DTNB: variants seen among roughly 807,000 people sequenced by gnomAD.
DTNB encodes dystrobrevin beta.
A neutral mutation model predicts 90.7 loss-of-function variants in DTNB; 63 were observed. The ratio of observed to expected loss-of-function variants is 0.69; its 90% CI spans 0.57 to 0.86. The LOEUF (loss-of-function observed/expected upper bound fraction) is 0.86, where lower values mean the gene tolerates loss of function less well. Among genes scored for constraint, DTNB ranks in the 40% least tolerant of loss-of-function variants. The probability of loss-of-function intolerance (pLI) is 0.00; values close to 1 mark genes in which losing one functional copy is unlikely to be tolerated. For synonymous variants in DTNB, 277 were observed against 286.7 expected (o/e 0.97, Z 0.34); for missense variants, 744 against 807.1 (o/e 0.92, Z 0.95).
intron 4 of DTNB, among the ~76,000 whole-genome samples, chr2:25,624,588 T>C (rs2073689195): frequency 6.6e-6 from 1 of 152,184 alleles, no homozygotes; most frequent in South Asian, 2.1e-4. Context: ...ACACATGTTG[T>C]TATGAAAAGG....
intron 9 of DTNB, among the ~76,000 whole-genome samples, chr2:25,511,856 A>G (rs1323351190): frequency 6.6e-6 from 1 of 152,244 alleles, no homozygotes; most frequent in Admixed American, 6.5e-5. Flanking sequence ...TGAGTGAAAA[A>G]TAACAGCTGG....
chr2:25,474,473 G>A (rs755591434), intron 10 of DTNB, among the ~76,000 whole-genome samples: 2 of 152,080 alleles, frequency 1.3e-5, no homozygotes, highest in Non-Finnish European at 2.9e-5. Context: ...TCCACATATG[G>A]ATAGTTTCTG....
chr2:25,484,950 A>C (rs559256012), intron 9 of DTNB, among the ~76,000 whole-genome samples: 20 of 152,328 alleles, frequency 1.3e-4, no homozygotes, highest in African/African-American at 3.1e-4. Context: ...TTTAGTCCTA[A>C]ATTTATATTT....
intron 1 of DTNB, among the ~76,000 whole-genome samples, chr2:25,662,681 A>ACACAAAC (rs35419647): frequency 0.3 from 31,161 of 103,928 alleles, 4,398 homozygotes; most frequent in Non-Finnish European, 0.39. Flanking sequence ...CACACACACA[A>ACACAAAC]ACACACACAC....
At chr2:25,451,477 ATTCCCT>A in intron 12 of DTNB, 65 bp downstream of exon 12, 1 of 1,492,672 alleles carries the variant, frequency 6.7e-7, no homozygotes, top group Non-Finnish European at 9.1e-7. Flanking sequence ...CATGTCTACT[ATTCCCT>A]TTCCATTTGC....
At chr2:25,544,057 G>T (rs1284858185) in intron 8 of DTNB, among the ~76,000 whole-genome samples, 1 of 152,202 alleles carries the variant, frequency 6.6e-6, no homozygotes, top group Admixed American at 6.5e-5. Context: ...AACTAGGAGG[G>T]ACAGCCACGG....
At chr2:25,543,162 C>T (rs2081646858) in intron 8 of DTNB, among the ~76,000 whole-genome samples, 1 of 152,102 alleles carries the variant, frequency 6.6e-6, no homozygotes, top group Non-Finnish European at 1.5e-5. Context: ...AATCCTTTTT[C>T]TAAGACTAAT....
At chr2:25,638,220 GA>G (rs2077497960) in intron 3 of DTNB, among the ~76,000 whole-genome samples, 1 of 152,204 alleles carries the variant, frequency 6.6e-6, no homozygotes, top group Non-Finnish European at 1.5e-5. Flanking sequence ...GGGATGGCAG[GA>G]GGGGGAGGGA....
chr2:25,666,605 T>C lies in DTNB; in HGVS notation c.-2+6781A>G, dbSNP rs1343196084. Among the ~76,000 whole-genome samples the C allele has an allele frequency of 2.0e-5, 3 of 152,234 alleles. No homozygotes were observed. In the East Asian group the frequency reaches 5.8e-4, roughly 29 times the overall value. ...AGTGGCCAGTAAGTACATTCTTTGA[T>C]GCATCCTCTCTGCTCTAAATACACA... On this transcript the variant is annotated intron_variant, in intron 1 of 20. Coordinates refer to ENST00000406818, the MANE Select transcript of DTNB (RefSeq NM_021907.5).
intron 16 of DTNB, among the ~76,000 whole-genome samples, chr2:25,390,356 C>T (rs1436007590): frequency 2.0e-5 from 3 of 152,192 alleles, no homozygotes; most frequent in Non-Finnish European, 4.4e-5. Flanking sequence ...TAAGAAAACA[C>T]CCAAACCATG....
chr2:25,569,349 G>A (rs956780692), intron 8 of DTNB, among the ~76,000 whole-genome samples: 2 of 152,076 alleles, frequency 1.3e-5, no homozygotes, highest in African/African-American at 2.4e-5. Flanking sequence ...TTTATCAAGC[G>A]TCTCAAAGAA....
intron 4 of DTNB, among the ~76,000 whole-genome samples, chr2:25,621,911 T>C (rs1048797993): frequency 4.6e-5 from 7 of 152,160 alleles, no homozygotes; most frequent in Admixed American, 3.9e-4. Flanking sequence ...AGTGTTATTG[T>C]AGATGGTAAA....
At chr2:25,613,002 T>C (rs1298285025) in intron 4 of DTNB, among the ~76,000 whole-genome samples, 1 of 152,188 alleles carries the variant, frequency 6.6e-6, no homozygotes, top group Non-Finnish European at 1.5e-5. Context: ...GAAGAAAAAC[T>C]GCATTTCTAC....
In DTNB at chr2:25,424,214, T is replaced by G. The variant is rs1306032932; in HGVS notation, c.1554+3321A>C. Among the ~76,000 whole-genome samples, 1 of 152,158 alleles carries G rather than the reference T, an allele frequency of 6.6e-6. No homozygotes were observed. Among genetic ancestry groups the G allele is most frequent in the Non-Finnish European group, 1.5e-5 (1 of 68,032 alleles). Reference sequence around the variant, plus strand: ...TAGATTTGTGTTTGCAAATTCTTCCTCCCAGTCTGAACAGCCTTAGCCTGT... The same window carrying G: ...TAGATTTGTGTTTGCAAATTCTTCCGCCCAGTCTGAACAGCCTTAGCCTGT... On this transcript the variant is annotated intron_variant, in intron 15 of 20. Transcript: ENST00000406818. This position sits in a 1 kb window ranked among gnomAD's most constrained non-coding sequence, Gnocchi z 4.1.
At chr2:25,588,614 C>T (rs940757900) in intron 6 of DTNB, among the ~76,000 whole-genome samples, 4 of 152,208 alleles carry the variant, frequency 2.6e-5, no homozygotes, top group East Asian at 1.9e-4. Context: ...CCACCTGCTT[C>T]GGCCTCCCAA....
chr2:25,611,020 T>C (rs1307766086), intron 4 of DTNB, among the ~76,000 whole-genome samples: 1 of 152,242 alleles, frequency 6.6e-6, no homozygotes, highest in Non-Finnish European at 1.5e-5. Flanking sequence ...CAGTAACATC[T>C]ATCCTGACTT....
chr2:25,407,232 C>G (rs1313646279), intron 16 of DTNB, among the ~76,000 whole-genome samples: 1 of 152,152 alleles, frequency 6.6e-6, no homozygotes, highest in Non-Finnish European at 1.5e-5. Flanking sequence ...TACCACCTTA[C>G]CCCTGCAAGA....
intron 12 of DTNB, among the ~76,000 whole-genome samples, chr2:25,438,459 C>CA (rs1458797706): frequency 2.0e-5 from 3 of 152,282 alleles, no homozygotes; most frequent in African/African-American, 7.2e-5. Context: ...GCCTCTGAGC[C>CA]ATGGAGAGGA....
At chr2:25,461,953 C>G (rs186784063) in intron 10 of DTNB, among the ~76,000 whole-genome samples, 1 of 152,168 alleles carries the variant, frequency 6.6e-6, no homozygotes, top group Non-Finnish European at 1.5e-5. Context: ...GCTCCGTGAT[C>G]GGCACATTCC....
Sources: allele counts gnomAD v4.1 joint callset (sites outside exome capture counted in the v4.1 genomes callset), GRCh38; gene constraint gnomAD v4.1.1; non-coding constraint Gnocchi (gnomAD v3.1); transcripts MANE v1.5; gene names NCBI Gene and HGNC (gene_info 2026-07-23, HGNC 2026-07-21).